Variants in SLC25A21 observed in about 807,000 individuals in gnomAD.
SLC25A21 encodes the protein solute carrier family 25 member 21, also known as mitochondrial 2-oxodicarboxylate carrier.
SLC25A21 carries 47 observed loss-of-function variants against 43.8 expected under a neutral mutation model. That is an observed-to-expected ratio of 1.07 (90% CI 0.85 to 1.37). The LOEUF (loss-of-function observed/expected upper bound fraction) is 1.37. Ranked by LOEUF, SLC25A21 falls within the 40% of genes most tolerant of loss-of-function variation. The pLI is 0.00. For missense variants in SLC25A21, 352 were observed against 350.2 expected (o/e 1.00, Z -0.04); for synonymous variants, 131 against 121.3 (o/e 1.08, Z -0.52).
chr14:36,849,532 T>G (rs1249225669), intron 2 of SLC25A21, among the ~76,000 whole-genome samples: 1 of 152,150 alleles, frequency 6.6e-6, no homozygotes, highest in Non-Finnish European at 1.5e-5. Flanking sequence ...GAAACCCTCC[T>G]CAAGGGAAAA....
chr14:37,066,775 G>C (rs917134397), intron 1 of SLC25A21, among the ~76,000 whole-genome samples: 2 of 152,106 alleles, frequency 1.3e-5, no homozygotes, highest in African/African-American at 4.8e-5. Flanking sequence ...GAGAAGGACA[G>C]AGAACAAACA....
rs1291188898 is a variant in SLC25A21, at chr14:37,040,332, G to A, written c.70+131949C>T. Reference sequence around the variant, plus strand: ...GGAAAGGAAGAAAGGAAGAGGGGAAGGAAGGAAGGAAGGAAGGAAGGAAAG... The same window carrying A: ...GGAAAGGAAGAAAGGAAGAGGGGAAAGAAGGAAGGAAGGAAGGAAGGAAAG... On this transcript the variant is annotated intron_variant, in intron 1 of 9. Transcript: ENST00000331299. 5.2e-4 allele frequency among the ~76,000 whole-genome samples: 27 copies of A among 51,744 alleles called. 2 individuals are homozygous for A. Among genetic ancestry groups the A allele is most frequent in the African/African-American group, 1.1e-3 (5 of 4,480 alleles). The allele number at this position is 51,744 out of a possible 152,430, so 33.9% of individuals were successfully genotyped here.
chr14:36,679,295 ATAC>A lies in SLC25A21; in HGVS notation c.*1360_*1362del. The stretch of plus-strand genomic sequence containing the variant: ...GTACAACAGAAGGCTATGTATGTAT[ATAC>A]AGTATGTCAAAAGCCTTTTATTTTT... On this transcript the variant is annotated 3_prime_UTR_variant, in exon 10 of 10. Coordinates refer to ENST00000331299, the MANE Select transcript of SLC25A21 (RefSeq NM_030631.4). The A allele has an allele frequency of 1.0e-6, 1 of 977,012 alleles. No individual in the cohort carries two copies. Among genetic ancestry groups the A allele is most frequent in the Non-Finnish European group, 1.2e-6 (1 of 822,484 alleles). 60.5% of individuals were successfully genotyped at this position (977,012 alleles called of 1,614,324 possible). A position where few individuals can be genotyped will look rare whatever the true frequency, so the allele number is the denominator to read the frequency against.
At chr14:37,088,243 C>G (rs1962521863) in intron 1 of SLC25A21, among the ~76,000 whole-genome samples, 1 of 152,076 alleles carries the variant, frequency 6.6e-6, no homozygotes, top group Admixed American at 6.5e-5. Context: ...ATAATGCATA[C>G]AAGCTCTAAA....
Position 36,728,671 on chromosome 14 carries a change from A to C in SLC25A21, c.330+836T>G, listed in dbSNP as rs377340346. On this transcript the variant is annotated intron_variant, in intron 5 of 9. Coordinates refer to ENST00000331299, the MANE Select transcript of SLC25A21 (RefSeq NM_030631.4). ...ATGTATGATTTTTTAAAAATAACAGATACTTCTTCTTGGACAGCCTATTTG... is the reference window on the plus strand; with the variant it reads ...ATGTATGATTTTTTAAAAATAACAGCTACTTCTTCTTGGACAGCCTATTTG... 5.9e-5 allele frequency among the ~76,000 whole-genome samples: 9 copies of C among 152,206 alleles called. 1 individual carries two copies. In the East Asian group the frequency reaches 1.2e-3, roughly 20 times the overall value.
chr14:36,895,350 G>C (rs1891207819), intron 1 of SLC25A21, among the ~76,000 whole-genome samples: 1 of 152,166 alleles, frequency 6.6e-6, no homozygotes, highest in South Asian at 2.1e-4. Context: ...AGTATTCTGT[G>C]ATGGTAGTTT....
Position 36,967,463 on chromosome 14 carries a change from T to C in SLC25A21, c.71-92459A>G, listed in dbSNP as rs145189118. ...AGAAGAACTTTATTAGAAGTATGTA[T>C]AGTCATTTGACCTGAAAATGCTGAG... On this transcript the variant is annotated intron_variant, in intron 1 of 9. Coordinates refer to ENST00000331299, the MANE Select transcript of SLC25A21 (RefSeq NM_030631.4). Among the ~76,000 whole-genome samples, 60 of 152,312 alleles carry C rather than the reference T, an allele frequency of 3.9e-4. No homozygotes were observed. The East Asian group carries it at 0.01, about 26-fold the overall frequency.
chr14:37,087,844 T>C (rs1259357290), intron 1 of SLC25A21, among the ~76,000 whole-genome samples: 1 of 152,210 alleles, frequency 6.6e-6, no homozygotes, highest in Non-Finnish European at 1.5e-5. Flanking sequence ...GAGGTCAGCT[T>C]AAAAATATTG....
intron 1 of SLC25A21, among the ~76,000 whole-genome samples, chr14:37,048,641 C>T (rs969039356): frequency 6.6e-6 from 1 of 152,094 alleles, no homozygotes; most frequent in Non-Finnish European, 1.5e-5. Context: ...TAAATCTTTG[C>T]ATAAAGGTCC....
intron 3 of SLC25A21, among the ~76,000 whole-genome samples, chr14:36,754,683 C>T (rs1158105768): frequency 6.6e-6 from 1 of 151,084 alleles, no homozygotes; most frequent in African/African-American, 2.4e-5. Context: ...AAAGAATTTC[C>T]AGAATGATAT....
chr14:36,916,665 T>C (rs1891841259), intron 1 of SLC25A21, among the ~76,000 whole-genome samples: 1 of 152,198 alleles, frequency 6.6e-6, no homozygotes, highest in Non-Finnish European at 1.5e-5. Context: ...GTACAGACCC[T>C]GACAGAAATA....
chr14:37,051,784 T>C (rs7493133), intron 1 of SLC25A21, among the ~76,000 whole-genome samples: 1,622 of 152,314 alleles, frequency 0.011, 22 homozygotes, highest in African/African-American at 0.037. Context: ...GAAACCTGTG[T>C]GACCAGGTAG....
chr14:36,822,793 G>T (rs1888681116), intron 2 of SLC25A21, among the ~76,000 whole-genome samples: 1 of 152,238 alleles, frequency 6.6e-6, no homozygotes, highest in Non-Finnish European at 1.5e-5. Flanking sequence ...ACATCTAATT[G>T]CAGTTCCTTT....
rs186134698 is a variant in SLC25A21 at position 37,002,465 on chromosome 14, T to A, written c.71-127461A>T. Among the ~76,000 whole-genome samples, 3 of 152,258 alleles carry A rather than the reference T, an allele frequency of 2.0e-5. No homozygotes were observed. The East Asian group carries it at 5.8e-4, about 29-fold the overall frequency. On this transcript the variant is annotated intron_variant, in intron 1 of 9. Transcript: ENST00000331299. ...TAGGATTTTCAGGATTATACCCTGGTCAGACTTTTAAAGCTCTTATATGAC... is the reference window on the plus strand; with the variant it reads ...TAGGATTTTCAGGATTATACCCTGGACAGACTTTTAAAGCTCTTATATGAC...
At chr14:36,788,151 T>G (rs1887317780) in intron 3 of SLC25A21, among the ~76,000 whole-genome samples, 1 of 152,302 alleles carries the variant, frequency 6.6e-6, no homozygotes, top group South Asian at 2.1e-4. Context: ...CTTTATTTTC[T>G]TAAACCATAA....
intron 1 of SLC25A21, among the ~76,000 whole-genome samples, chr14:37,065,798 G>A (rs545994248): frequency 2.6e-5 from 4 of 152,218 alleles, no homozygotes; most frequent in African/African-American, 7.2e-5. Flanking sequence ...TATATTTAAA[G>A]ATAGAAATAA....
In SLC25A21 at chr14:36,680,231, C is replaced by A; in HGVS notation, c.*427G>T. 2.2e-6 allele frequency: 2 copies of A among 927,198 alleles called. No homozygotes were observed. Among genetic ancestry groups the A allele is most frequent in the Non-Finnish European group, 2.6e-6 (2 of 777,560 alleles). 57.4% of individuals were successfully genotyped at this position (927,198 alleles called of 1,614,324 possible). ...AAAAACTGCTTAAATTTTGGCTTAA[C>A]TTTTTTTTAATCCAGTCTTTGAATA... On this transcript the variant is annotated 3_prime_UTR_variant, in exon 10 of 10. Transcript: ENST00000331299.
At chr14:36,770,886 T>C (rs1484110892) in intron 3 of SLC25A21, among the ~76,000 whole-genome samples, 1 of 152,216 alleles carries the variant, frequency 6.6e-6, no homozygotes, top group Non-Finnish European at 1.5e-5. Context: ...ACTTTGTGCA[T>C]ATCTGTTTTA....
At chr14:36,690,815 G>A (rs1315558009) in intron 7 of SLC25A21, among the ~76,000 whole-genome samples, 2 of 152,158 alleles carry the variant, frequency 1.3e-5, no homozygotes, top group African/African-American at 2.4e-5. Context: ...TTGGCCAGTC[G>A]TTGGCTGTTA....
Sources: allele counts gnomAD v4.1 joint callset (sites outside exome capture counted in the v4.1 genomes callset), GRCh38; gene constraint gnomAD v4.1.1; transcripts MANE v1.5; gene names NCBI Gene and HGNC (gene_info 2026-07-23, HGNC 2026-07-21).